The following TRIO variants were observed in gnomAD, a reference collection of about 807,000 sequenced individuals.
The protein encoded by TRIO is triple functional domain protein.
Under a neutral mutation model 351.9 loss-of-function variants are expected in TRIO, and 58 were observed. That is an observed-to-expected ratio of 0.16 (90% CI 0.13 to 0.21). TRIO has a LOEUF of 0.21. TRIO is among the 10% of genes least tolerant of loss of function. The pLI is 1.00. For synonymous variants in TRIO, 1,758 were observed against 1,595.7 expected (o/e 1.10, Z -2.42); for missense variants, 3,201 against 4,027.8 (o/e 0.79, Z 5.56).
chr5:14,410,514 G>A (rs531101745), intron 33 of TRIO, among the ~76,000 whole-genome samples: 8 of 152,190 alleles, frequency 5.3e-5, no homozygotes, highest in African/African-American at 1.2e-4. Flanking sequence ...TCTGCCCTAC[G>A]TAGTTTAAGT....
intron 1 of TRIO, among the ~76,000 whole-genome samples, chr5:14,211,310 C>T (rs1471286219): frequency 6.6e-6 from 1 of 152,146 alleles, no homozygotes; most frequent in Non-Finnish European, 1.5e-5. Flanking sequence ...ATAATTTGGG[C>T]TGGCAAAATG....
chr5:14,404,068 T>TG (rs1554072276), intron 31 of TRIO, among the ~76,000 whole-genome samples: 4 of 132,516 alleles, frequency 3.0e-5, no homozygotes, highest in African/African-American at 8.2e-5. Context: ...GGGTGCAGCT[T>TG]GTGAGGGTGC....
intron 48 of TRIO, chr5:14,488,975 G>T: frequency 1.3e-6 from 1 of 764,832 alleles, no homozygotes; most frequent in South Asian, 1.3e-5. Context: ...TTGCTGTGGT[G>T]GGTTTTCCCT....
intron 30 of TRIO, 22 bp from the exon 31 acceptor site, chr5:14,400,941 A>G: frequency 6.2e-7 from 1 of 1,609,358 alleles, no homozygotes; most frequent in African/African-American, 1.3e-5. Flanking sequence ...TCACCTAATT[A>G]TATAATTGTC....
intron 19 of TRIO, among the ~76,000 whole-genome samples, chr5:14,377,545 C>A (rs1197583159): frequency 6.6e-6 from 1 of 152,144 alleles, no homozygotes; most frequent in East Asian, 1.9e-4. Flanking sequence ...CCACCGCGCC[C>A]AGCTTGGTTT....
At chr5:14,433,457 A>G (rs1751340478) in intron 34 of TRIO, among the ~76,000 whole-genome samples, 2 of 152,140 alleles carry the variant, frequency 1.3e-5, no homozygotes, top group African/African-American at 4.8e-5. Flanking sequence ...AACCTGAGAG[A>G]CTCAATCCTG....
At chr5:14,191,531 CT>C (rs1422184838) in intron 1 of TRIO, among the ~76,000 whole-genome samples, 5 of 61,620 alleles carry the variant, frequency 8.1e-5, no homozygotes, top group African/African-American at 2.2e-4. Context: ...GACCCTGTTT[CT>C]TTAAAAAAAA....
Position 14,179,151 on chromosome 5 carries a change from G to A in TRIO, c.157+35269G>A, listed in dbSNP as rs576355772. On this transcript the variant is annotated intron_variant, in intron 1 of 56. Coordinates refer to ENST00000344204, the MANE Select transcript of TRIO (RefSeq NM_007118.4). ...GTCCCCTGCTGCTCCCGGCCAGCAC[G>A]TCGGTGTCCCGTCCTGCCACCCACC... Among the ~76,000 whole-genome samples, 15 of 152,224 alleles carry A rather than the reference G, an allele frequency of 9.9e-5. No individual in the cohort carries two copies. The South Asian group carries it at 2.3e-3, about 23-fold the overall frequency.
chr5:14,330,786 C>G lies in TRIO; in HGVS notation c.1740C>G (p.Asp580Glu). The G allele has an allele frequency of 6.2e-7, 1 of 1,614,054 alleles. No individual in the cohort carries two copies. The highest frequency in any genetic ancestry group is 8.5e-7 in the Non-Finnish European group (1 of 1,179,946). ...CCTGTATTTCATTGTAGGTGCTAGA[C>G]TGGATCGAGAACCACGGAGAAGCAT... ...VFQQDVQQVL[D>E]WIENHGEAFL... The change falls in exon 10 of 57, where the codon GAC becomes GAG. Residue 580 changes from aspartate to glutamate, a missense_variant. Around this residue, in one of 19 missense-constraint regions of TRIO, gnomAD observed 38 missense variants for 93.4 expected, o/e 0.41. Coordinates refer to ENST00000344204, the MANE Select transcript of TRIO (RefSeq NM_007118.4).
intron 5 of TRIO, among the ~76,000 whole-genome samples, chr5:14,292,293 A>G (rs1736984130): frequency 6.6e-6 from 1 of 152,224 alleles, no homozygotes; most frequent in African/African-American, 2.4e-5. Context: ...AGAGACTGGA[A>G]TACCTTCTTT....
chr5:14,400,166 C>T (rs1402231429), intron 30 of TRIO, among the ~76,000 whole-genome samples: 2 of 152,198 alleles, frequency 1.3e-5, no homozygotes, highest in East Asian at 1.9e-4. Context: ...TTTTAGGTCA[C>T]ATTCTGACTG....
rs775876322 is a variant in TRIO at position 14,462,880 on chromosome 5, C to T, written c.5622C>T (p.Ala1874=). 6.2e-7 allele frequency: 1 copy of T among 1,610,866 alleles called. No homozygotes were observed. The highest frequency in any genetic ancestry group is 8.5e-7 in the Non-Finnish European group (1 of 1,178,456). ...ADAVPLPPPM[A]IQQHSLLQPD... ...CCGTGCCCCTGCCGCCACCCATGGC[C>T]ATCCAGCAGCACAGCCTCCTCCAGC... The change falls in exon 36 of 57, where the codon GCC becomes GCT. Residue 1874 remains alanine (A), a synonymous_variant. Coordinates refer to ENST00000344204, the MANE Select transcript of TRIO (RefSeq NM_007118.4).
chr5:14,267,237 C>A (rs1300841967), intron 1 of TRIO, among the ~76,000 whole-genome samples: 1 of 152,058 alleles, frequency 6.6e-6, no homozygotes, highest in Non-Finnish European at 1.5e-5. Flanking sequence ...TGTGGCACCC[C>A]CTTCCACCTA....
chr5:14,393,734 A>G (rs778925242), intron 27 of TRIO, among the ~76,000 whole-genome samples: 4 of 152,230 alleles, frequency 2.6e-5, no homozygotes, highest in Admixed American at 6.5e-5. Context: ...TGCAATACAG[A>G]TCATTGCATG....
intron 55 of TRIO, 37 bp downstream of exon 55, chr5:14,504,630 C>T (rs887130608): frequency 2.5e-6 from 4 of 1,604,264 alleles, no homozygotes; most frequent in Non-Finnish European, 1.7e-6. Flanking sequence ...GCCCAGCCCT[C>T]TGCCTCCACC....
At chr5:14,477,017 C>A in intron 41 of TRIO, 54 bp downstream of exon 41, 1 of 1,511,156 alleles carries the variant, frequency 6.6e-7, no homozygotes, top group South Asian at 1.2e-5. Context: ...TCCTTAGTCA[C>A]TGGTTTGTCA....
At chr5:14,495,275 G>A (rs886692340) in intron 49 of TRIO, among the ~76,000 whole-genome samples, 7 of 152,162 alleles carry the variant, frequency 4.6e-5, no homozygotes, top group Non-Finnish European at 8.8e-5. Context: ...TTAGGGGTGC[G>A]CAGAGAAAGT....
intron 2 of TRIO, among the ~76,000 whole-genome samples, chr5:14,277,783 CT>C (rs1735672823): frequency 6.6e-6 from 1 of 152,192 alleles, no homozygotes; most frequent in Admixed American, 6.5e-5. Flanking sequence ...TGATTTTAAG[CT>C]CCTTGAGGTT....
chr5:14,504,064 G>A (rs1478067709), intron 54 of TRIO, among the ~76,000 whole-genome samples: 1 of 152,248 alleles, frequency 6.6e-6, no homozygotes, highest in Non-Finnish European at 1.5e-5. Context: ...GCTCGTCGTG[G>A]GAAGCAGAAG....
Sources: gnomAD v4.1 joint callset for allele counts (sites outside exome capture counted in the v4.1 genomes callset) on GRCh38, gnomAD v4.1.1 for gene constraint, gnomAD v4.1.1 regional missense constraint, MANE v1.5 for transcripts, NCBI Gene and HGNC (gene_info 2026-07-23, HGNC 2026-07-21) for gene names.